GLT1D1: variants seen among roughly 807,000 people sequenced by gnomAD.
The protein encoded by GLT1D1 is glycosyltransferase 1 domain-containing protein 1.
A neutral mutation model predicts 28.7 loss-of-function variants in GLT1D1; 21 were observed. The ratio of observed to expected loss-of-function variants is 0.73; its 90% CI spans 0.52 to 1.05. The LOEUF (loss-of-function observed/expected upper bound fraction) is 1.05. Among genes scored for constraint, GLT1D1 ranks in the 50% least tolerant of loss-of-function variants. The pLI, the probability that GLT1D1 is intolerant of heterozygous loss-of-function variation, is 0.00. For missense variants in GLT1D1, 343 were observed against 330.6 expected (o/e 1.04, Z -0.29); for synonymous variants, 147 against 124.8 (o/e 1.18, Z -1.19).
chr12:128,900,724 C>T (rs1451232882), intron 4 of GLT1D1, among the ~76,000 whole-genome samples: 1 of 151,910 alleles, frequency 6.6e-6, no homozygotes, highest in Non-Finnish European at 1.5e-5. Context: ...CAACCTCTGC[C>T]CCCCAGGTTC....
chr12:128,867,745 G>T (rs1012859686), intron 1 of GLT1D1, among the ~76,000 whole-genome samples: 1 of 152,194 alleles, frequency 6.6e-6, no homozygotes, highest in Non-Finnish European at 1.5e-5. Flanking sequence ...AAGACTGGGG[G>T]ACGGGAGTGG....
At chr12:128,970,329 G>A (rs1028998501) in intron 7 of GLT1D1, among the ~76,000 whole-genome samples, 1 of 152,204 alleles carries the variant, frequency 6.6e-6, no homozygotes, top group Non-Finnish European at 1.5e-5. Flanking sequence ...TCTCCCCTGA[G>A]CCCCACTTCC....
At chr12:128,877,459 T>C (rs1174016195) in intron 2 of GLT1D1, among the ~76,000 whole-genome samples, 1 of 152,230 alleles carries the variant, frequency 6.6e-6, no homozygotes, top group Non-Finnish European at 1.5e-5. Context: ...CAGCTCTTTT[T>C]CCTGCCTCCT....
intron 1 of GLT1D1, among the ~76,000 whole-genome samples, chr12:128,874,120 CTCTCTCTT>C (rs1439753142): frequency 6.5e-3 from 343 of 52,632 alleles, no homozygotes; most frequent in Admixed American, 8.4e-3. Flanking sequence ...CTCTCTCTCT[CTCTCTCTT>C]TCTTTCTTTC....
intron 7 of GLT1D1, among the ~76,000 whole-genome samples, chr12:128,961,508 T>C (rs957848068): frequency 9.2e-5 from 14 of 152,326 alleles, no homozygotes; most frequent in Admixed American, 1.3e-4. Flanking sequence ...ATGTCATTTA[T>C]GGCAACGTGG....
chr12:128,941,119 G>C (rs1431227842), intron 4 of GLT1D1, among the ~76,000 whole-genome samples: 1 of 152,132 alleles, frequency 6.6e-6, no homozygotes, highest in Non-Finnish European at 1.5e-5. Context: ...ACGTGGCATC[G>C]TGTTTTCCAA....
chr12:128,956,804 C>T (rs1877358446), intron 6 of GLT1D1, among the ~76,000 whole-genome samples: 1 of 152,194 alleles, frequency 6.6e-6, no homozygotes, highest in South Asian at 2.1e-4. Context: ...CTGTTACAAT[C>T]ATTATTCTTT....
chr12:128,956,362 G>C (rs970389879), intron 6 of GLT1D1, among the ~76,000 whole-genome samples: 3 of 151,956 alleles, frequency 2.0e-5, no homozygotes, highest in African/African-American at 7.3e-5. Flanking sequence ...TCTCACGGAA[G>C]ATATTATTGG....
At chr12:128,927,308 G>A (rs1400857463) in intron 4 of GLT1D1, 154 bp downstream of exon 8, 4 of 581,618 alleles carry the variant, frequency 6.9e-6, no homozygotes, top group South Asian at 2.2e-5. Context: ...GCGTGATCTC[G>A]GCTCACTGCA....
At chr12:128,886,858 A>G (rs1240239743) in intron 2 of GLT1D1, among the ~76,000 whole-genome samples, 1 of 152,056 alleles carries the variant, frequency 6.6e-6, no homozygotes, top group Admixed American at 6.6e-5. Flanking sequence ...CTGTCTCAAC[A>G]TCTCCCAAAG....
Position 128,942,735 on chromosome 12 carries a change from G to GTTTTTT in GLT1D1, c.376-2588_376-2587insTTTTTT, listed in dbSNP as rs1397894974. On this transcript the variant is annotated intron_variant, in intron 4 of 7. Coordinates refer to ENST00000281703, the MANE Select transcript of GLT1D1 (RefSeq NM_144669.3). ...ATCACTTTAGATTCCAATTTTCTTT[G>GTTTTTT]TTTGTTTGTTTTTGTTTTTTGTTTT... 1.0e-3 allele frequency among the ~76,000 whole-genome samples: 90 copies of GTTTTTT among 89,490 alleles called. 14 individuals carry two copies. Among genetic ancestry groups the GTTTTTT allele is most frequent in the African/African-American group, 3.6e-3 (83 of 23,106 alleles). 58.7% of individuals were successfully genotyped at this position (89,490 alleles called of 152,430 possible).
At chr12:128,858,310 C>T (rs1956273902) in intron 1 of GLT1D1, among the ~76,000 whole-genome samples, 1 of 152,160 alleles carries the variant, frequency 6.6e-6, no homozygotes, top group Admixed American at 6.5e-5. Flanking sequence ...AACCCCAAAA[C>T]ATGCTTCTGT....
intron 3 of GLT1D1, among the ~76,000 whole-genome samples, chr12:128,889,765 C>G (rs762328020): frequency 3.9e-5 from 6 of 152,134 alleles, no homozygotes; most frequent in Non-Finnish European, 7.3e-5. Context: ...AATGGGTCAG[C>G]CTTCTTTCTC....
intron 7 of GLT1D1, among the ~76,000 whole-genome samples, chr12:128,981,955 A>G (rs1181456825): frequency 6.6e-6 from 1 of 152,140 alleles, no homozygotes; most frequent in Non-Finnish European, 1.5e-5. Context: ...CTGTTGACTT[A>G]CACACGCGCA....
chr12:128,945,640 G>C (rs146356708), intron 5 of GLT1D1, among the ~76,000 whole-genome samples: 1,781 of 152,346 alleles, frequency 0.012, 35 homozygotes, highest in African/African-American at 0.041. Flanking sequence ...GAAGAATGGA[G>C]GGGTATTGCC....
intron 4 of GLT1D1, among the ~76,000 whole-genome samples, chr12:128,901,318 C>T (rs945579517): frequency 6.6e-6 from 1 of 152,028 alleles, no homozygotes; most frequent in Non-Finnish European, 1.5e-5. Flanking sequence ...TGGGGTTTTG[C>T]CTTGTTGGCC....
intron 4 of GLT1D1, chr12:128,945,082 A>T (rs1307078834): frequency 8.9e-6 from 6 of 676,780 alleles, no homozygotes; most frequent in Non-Finnish European, 1.6e-5. Flanking sequence ...GTTGTCCCGG[A>T]GCAGGTCCCC....
Position 128,947,365 on chromosome 12 carries a change from G to T in GLT1D1, c.447G>T (p.Glu149Asp). The T allele has an allele frequency of 6.2e-7, 1 of 1,614,082 alleles. No individual in the cohort carries two copies. The highest frequency in any genetic ancestry group is 8.5e-7 in the Non-Finnish European group (1 of 1,179,978). The change falls in exon 6 of 8, where the codon GAG becomes GAT. Residue 149 changes from glutamate (E) to aspartate (D), a missense_variant. Transcript: ENST00000281703. ...CCGCTGGGGTACGATTGATTGGAGA[G>T]ATGCCTCAAGAAGATCTGCACGCGG...
chr12:128,927,390 C>G (rs1334250543), intron 4 of GLT1D1, among the ~76,000 whole-genome samples: 3 of 152,060 alleles, frequency 2.0e-5, no homozygotes, highest in Non-Finnish European at 2.9e-5. Flanking sequence ...AGGTGCCCAC[C>G]ACCATGCCTG....
Sources: allele counts gnomAD v4.1 joint callset (sites outside exome capture counted in the v4.1 genomes callset), GRCh38; gene constraint gnomAD v4.1.1; transcripts MANE v1.5; gene names NCBI Gene and HGNC (gene_info 2026-07-23, HGNC 2026-07-21).